Variants in RPS6KC1 observed in about 807,000 individuals in gnomAD.
RPS6KC1 encodes the protein inactive ribosomal protein S6 kinase delta-1.
A neutral mutation model predicts 103.8 loss-of-function variants in RPS6KC1; 54 were observed. The observed-to-expected ratio is 0.52, with a 90% CI of 0.42 to 0.65. RPS6KC1 has a LOEUF of 0.65. Among genes scored for constraint, RPS6KC1 ranks in the 30% least tolerant of loss-of-function variants. The pLI is 0.00. For missense variants in RPS6KC1, 1,151 were observed against 1,253.8 expected (o/e 0.92, Z 1.24); for synonymous variants, 439 against 438.7 (o/e 1.00, Z -0.01).
chr1:213,561,352 A>G, the RPS6KC1 span, among the ~76,000 whole-genome samples: 1 of 152,084 alleles, frequency 6.6e-6, no homozygotes, highest in Admixed American at 6.5e-5. Flanking sequence ...TGACCTTCCA[A>G]CCACGCTGAA....
At chr1:213,611,669 A>C in the RPS6KC1 span, among the ~76,000 whole-genome samples, 2 of 152,176 alleles carry the variant, frequency 1.3e-5, no homozygotes, top group Admixed American at 1.3e-4. Context: ...TGCGTTTTGC[A>C]TCTTGTATTT....
At chr1:213,702,684 T>G in the RPS6KC1 span, among the ~76,000 whole-genome samples, 1 of 152,070 alleles carries the variant, frequency 6.6e-6, no homozygotes, top group African/African-American at 2.4e-5. Flanking sequence ...TTGACTCTTC[T>G]TACAATTTTT....
chr1:213,602,023 T>TTC, the RPS6KC1 span, among the ~76,000 whole-genome samples: 4 of 29,998 alleles, frequency 1.3e-4, 1 homozygote, highest in African/African-American at 3.9e-4. Flanking sequence ...TTTCTTTCTT[T>TTC]CTTTCTCTTT....
the RPS6KC1 span, among the ~76,000 whole-genome samples, chr1:213,405,757 TG>T: frequency 1.8e-4 from 28 of 152,242 alleles, no homozygotes; most frequent in Non-Finnish European, 3.5e-4. Context: ...AGTGAAAGTC[TG>T]GGCTCTTTCT....
chr1:213,574,021 T>A, the RPS6KC1 span, among the ~76,000 whole-genome samples: 3 of 152,204 alleles, frequency 2.0e-5, no homozygotes, highest in Non-Finnish European at 4.4e-5. Flanking sequence ...GGCCCTAGAT[T>A]TGCTGCATCA....
At chr1:213,514,951 G>T in the RPS6KC1 span, among the ~76,000 whole-genome samples, 1 of 152,126 alleles carries the variant, frequency 6.6e-6, no homozygotes, top group Non-Finnish European at 1.5e-5. Flanking sequence ...TCTCACTGTG[G>T]TTTTGATTTG....
At chr1:213,298,932 C>T in the RPS6KC1 span, among the ~76,000 whole-genome samples, 2 of 152,184 alleles carry the variant, frequency 1.3e-5, no homozygotes, top group African/African-American at 4.8e-5. Context: ...AACTTTCAAC[C>T]TGAGCGGGGC....
chr1:213,232,810 T>C (rs2094135550), intron 10 of RPS6KC1, among the ~76,000 whole-genome samples: 1 of 152,156 alleles, frequency 6.6e-6, no homozygotes, highest in African/African-American at 2.4e-5. Context: ...TTCAGCTCTT[T>C]GTAGAGGGAA....
chr1:213,696,502 C>CAAAAAAAA, the RPS6KC1 span, among the ~76,000 whole-genome samples: 28 of 120,934 alleles, frequency 2.3e-4, 1 homozygote, highest in African/African-American at 9.9e-4. Context: ...AACTCCGTCT[C>CAAAAAAAA]AAAAAAAAAA....
At chr1:213,397,353 ACT>A in the RPS6KC1 span, among the ~76,000 whole-genome samples, 2 of 151,782 alleles carry the variant, frequency 1.3e-5, no homozygotes, top group African/African-American at 4.8e-5. Flanking sequence ...CCTTCAAAGG[ACT>A]CTCTTGGCAC....
chr1:213,626,377 G>T, the RPS6KC1 span, among the ~76,000 whole-genome samples: 1 of 152,144 alleles, frequency 6.6e-6, no homozygotes, highest in African/African-American at 2.4e-5. Context: ...TCTGTAGGTT[G>T]CCTGTTCACT....
At chr1:213,643,265 C>T in the RPS6KC1 span, among the ~76,000 whole-genome samples, 3 of 151,854 alleles carry the variant, frequency 2.0e-5, no homozygotes, top group African/African-American at 7.2e-5. Context: ...TTTGAATCTT[C>T]TCATCCATGA....
chr1:213,609,953 T>C, the RPS6KC1 span, among the ~76,000 whole-genome samples: 1 of 152,182 alleles, frequency 6.6e-6, no homozygotes, highest in Middle Eastern at 3.4e-3. Context: ...TATAATCTTC[T>C]GTAAAAACCA....
chr1:213,827,755 C>A, the RPS6KC1 span, among the ~76,000 whole-genome samples: 1 of 152,132 alleles, frequency 6.6e-6, no homozygotes, highest in Non-Finnish European at 1.5e-5. Context: ...AGCTACAGCA[C>A]CACTTCTAGC....
At chr1:213,249,706 C>T (rs1482082865) in intron 12 of RPS6KC1, among the ~76,000 whole-genome samples, 1 of 152,114 alleles carries the variant, frequency 6.6e-6, no homozygotes, top group Non-Finnish European at 1.5e-5. Flanking sequence ...TGGTTTTTTC[C>T]TACTAGAAAT....
At chr1:213,838,681 A>T in the RPS6KC1 span, among the ~76,000 whole-genome samples, 1 of 152,216 alleles carries the variant, frequency 6.6e-6, no homozygotes, top group Non-Finnish European at 1.5e-5. Context: ...TTTCACATGA[A>T]GTTCTACAGC....
the RPS6KC1 span, among the ~76,000 whole-genome samples, chr1:213,370,591 A>G: frequency 6.6e-6 from 1 of 152,196 alleles, no homozygotes; most frequent in Non-Finnish European, 1.5e-5. Flanking sequence ...ATGGGGTTGG[A>G]GGCCAACATG....
At chr1:213,541,070 T>C in the RPS6KC1 span, among the ~76,000 whole-genome samples, 1 of 112,540 alleles carries the variant, frequency 8.9e-6, no homozygotes, top group Non-Finnish European at 2.0e-5. Flanking sequence ...TTTCGAACCC[T>C]CAAAGTCATC....
the RPS6KC1 span, among the ~76,000 whole-genome samples, chr1:213,844,709 G>A: frequency 6.6e-6 from 1 of 152,084 alleles, no homozygotes; most frequent in Admixed American, 6.5e-5. Context: ...CATTTATAAG[G>A]TATCAAATTT....
Sources: gnomAD v4.1 joint callset for allele counts (sites outside exome capture counted in the v4.1 genomes callset) on GRCh38, gnomAD v4.1.1 for gene constraint, MANE v1.5 for transcripts, NCBI Gene and HGNC (gene_info 2026-07-23, HGNC 2026-07-21) for gene names.